PPFIBP2: variants seen among roughly 807,000 people sequenced by gnomAD.
PPFIBP2 encodes liprin-beta-2.
A neutral mutation model predicts 118.3 loss-of-function variants in PPFIBP2; 118 were observed. That is an observed-to-expected ratio of 1.00 (90% CI 0.86 to 1.16). The LOEUF (loss-of-function observed/expected upper bound fraction) is 1.16, where lower values mean the gene tolerates loss of function less well. Ranked by LOEUF, PPFIBP2 falls within the 50% of genes most tolerant of loss-of-function variation. The pLI is 0.00. For synonymous variants in PPFIBP2, 414 were observed against 397.4 expected (o/e 1.04, Z -0.50); for missense variants, 1,195 against 1,073.1 (o/e 1.11, Z -1.59).
chr11:7,583,509 C>G lies in PPFIBP2; in HGVS notation c.280-9623C>G, dbSNP rs1857580350. ...AAGGTGAGGACAGTCTTCAAAGAGT[C>G]TTCTCTTTTTACTCTCCTCCTGGCT... On this transcript the variant is annotated intron_variant, in intron 3 of 23. Coordinates refer to ENST00000299492, the MANE Select transcript of PPFIBP2 (RefSeq NM_003621.5). Among the ~76,000 whole-genome samples, 2 of 152,156 alleles carry G rather than the reference C, an allele frequency of 1.3e-5. 1 individual carries two copies. Among genetic ancestry groups the G allele is most frequent in the South Asian group, 4.1e-4 (2 of 4,832 alleles).
At chr11:7,602,734 T>C (rs150258751) in intron 5 of PPFIBP2, among the ~76,000 whole-genome samples, 2 of 152,362 alleles carry the variant, frequency 1.3e-5, no homozygotes, top group African/African-American at 4.8e-5. Context: ...CCTCTATTTC[T>C]ATCCTCCCTA....
chr11:7,542,032 G>A (rs1022196076), intron 1 of PPFIBP2, among the ~76,000 whole-genome samples: 3 of 152,112 alleles, frequency 2.0e-5, no homozygotes, highest in Admixed American at 1.3e-4. Flanking sequence ...TCACTGCTGC[G>A]TCCCCTGCAG....
At chr11:7,652,092 C>T (rs1854118328) in intron 23 of PPFIBP2, among the ~76,000 whole-genome samples, 1 of 152,246 alleles carries the variant, frequency 6.6e-6, no homozygotes, top group Non-Finnish European at 1.5e-5. Context: ...AGCACCTATC[C>T]TCAGGTGGCT....
intron 6 of PPFIBP2, among the ~76,000 whole-genome samples, chr11:7,617,470 A>AGGGT (rs1484488755): frequency 6.6e-6 from 1 of 152,046 alleles, no homozygotes; most frequent in Non-Finnish European, 1.5e-5. Flanking sequence ...GAGCTCAGTG[A>AGGGT]CCCTCACTGA....
rs1848692751 is a variant in PPFIBP2, at chr11:7,616,713, T to C, written c.619-4222T>C. On this transcript the variant is annotated intron_variant, in intron 6 of 23. Coordinates refer to ENST00000299492, the MANE Select transcript of PPFIBP2 (RefSeq NM_003621.5). The surrounding 1 kb of genome is among the most constrained non-coding windows in gnomAD (Gnocchi z 5.2). ...GCATAGGTGCTGACACGTTGGGTGT[T>C]TGGGTAAGGGGAGTCGGTGTGTGTA... Among the ~76,000 whole-genome samples the C allele has an allele frequency of 6.6e-6, 1 of 151,930 alleles. No individual in the cohort carries two copies. The highest frequency in any genetic ancestry group is 2.1e-4 in the South Asian group (1 of 4,812).
chr11:7,649,439 G>A, intron 20 of PPFIBP2, 93 bp from the exon 21 acceptor site: 4 of 1,532,578 alleles, frequency 2.6e-6, no homozygotes, highest in Non-Finnish European at 3.6e-6. Flanking sequence ...CTGAGATGTG[G>A]TTGACTTGTC....
intron 6 of PPFIBP2, among the ~76,000 whole-genome samples, chr11:7,619,809 A>T (rs1318269643): frequency 6.6e-6 from 1 of 152,204 alleles, no homozygotes; most frequent in Non-Finnish European, 1.5e-5. Flanking sequence ...GCATTTAGTG[A>T]GATGAGAGTA....
the PPFIBP2 span, chr11:7,665,836 T>G: frequency 1.1e-5 from 17 of 1,534,892 alleles, no homozygotes; most frequent in South Asian, 1.4e-4. Context: ...CCGAGGTGTG[T>G]GAATCAGTAC....
chr11:7,558,418 C>T (rs1229341036), intron 2 of PPFIBP2, among the ~76,000 whole-genome samples: 8 of 152,208 alleles, frequency 5.3e-5, no homozygotes, highest in Non-Finnish European at 1.0e-4. Context: ...TGAACAACCC[C>T]AGTCACTACC....
At chr11:7,621,576 C>T (rs143649934) in intron 7 of PPFIBP2, among the ~76,000 whole-genome samples, 26 of 152,324 alleles carry the variant, frequency 1.7e-4, no homozygotes, top group African/African-American at 6.3e-4. Flanking sequence ...AATTTCTTCC[C>T]TGTCCCCTTT....
chr11:7,621,101 G>A, intron 7 of PPFIBP2, 74 bp downstream of exon 7: 1 of 1,173,148 alleles, frequency 8.5e-7, no homozygotes, highest in Non-Finnish European at 1.3e-6. Context: ...CAACTTGGGG[G>A]TTTCCAGTAG....
intron 1 of PPFIBP2, among the ~76,000 whole-genome samples, chr11:7,539,815 C>T (rs148307992): frequency 6.6e-6 from 1 of 152,290 alleles, no homozygotes; most frequent in Non-Finnish European, 1.5e-5. Flanking sequence ...AGCTAAAACA[C>T]TGAAGAAGCC....
intron 5 of PPFIBP2, 38 bp downstream of exon 5, chr11:7,597,711 G>T: frequency 6.5e-7 from 1 of 1,533,768 alleles, no homozygotes. Flanking sequence ...GGGTGCCGAA[G>T]CAGCTCATGT....
intron 2 of PPFIBP2, among the ~76,000 whole-genome samples, chr11:7,560,659 A>G (rs1448857380): frequency 6.6e-6 from 1 of 152,220 alleles, no homozygotes; most frequent in Non-Finnish European, 1.5e-5. Context: ...TTAACTTTCT[A>G]GAATTGGACT....
intron 1 of PPFIBP2, among the ~76,000 whole-genome samples, chr11:7,548,668 A>T (rs904842831): frequency 2.6e-5 from 4 of 152,166 alleles, no homozygotes; most frequent in Admixed American, 2.0e-4. Flanking sequence ...CCTGAGGGAC[A>T]GGGGAGGGGC....
chr11:7,627,453 A>C (rs1184356759), intron 8 of PPFIBP2, among the ~76,000 whole-genome samples: 2 of 146,470 alleles, frequency 1.4e-5, no homozygotes, highest in Non-Finnish European at 3.0e-5. Context: ...GTTCCCTTGT[A>C]CTTTTTTTTT....
intron 10 of PPFIBP2, 118 bp downstream of exon 10, chr11:7,629,652 G>A: frequency 5.2e-6 from 5 of 955,504 alleles, no homozygotes; most frequent in Non-Finnish European, 8.3e-6. Context: ...ACTCCCTACT[G>A]GAGAACAGAG....
In PPFIBP2 at chr11:7,621,636, G is replaced by T. The variant is rs535121464; in HGVS notation, c.711+609G>T. ...AAAGTGCAGAGATCAAAACTAGTGG[G>T]TTACATTCAGCCCATGAATTTTTTT... On this transcript the variant is annotated intron_variant, in intron 7 of 23. Coordinates refer to ENST00000299492, the MANE Select transcript of PPFIBP2 (RefSeq NM_003621.5). Among the ~76,000 whole-genome samples, 206 of 152,218 alleles carry T rather than the reference G, an allele frequency of 1.4e-3. 1 individual carries two copies. Among genetic ancestry groups the T allele is most frequent in the Non-Finnish European group, 2.5e-3 (171 of 67,998 alleles).
chr11:7,577,722 T>C, intron 3 of PPFIBP2: 1 of 454,112 alleles, frequency 2.2e-6, no homozygotes, highest in South Asian at 1.6e-5. Flanking sequence ...TGTGTGTGCC[T>C]GTGTGTGGTA....
Sources: allele counts gnomAD v4.1 joint callset (sites outside exome capture counted in the v4.1 genomes callset), GRCh38; gene constraint gnomAD v4.1.1; non-coding constraint Gnocchi (gnomAD v3.1); transcripts MANE v1.5; gene names NCBI Gene and HGNC (gene_info 2026-07-23, HGNC 2026-07-21).